Variants in MTUS1 observed in about 807,000 individuals in gnomAD.
MTUS1 encodes microtubule associated scaffold protein 1.
A neutral mutation model predicts 120.8 loss-of-function variants in MTUS1; 109 were observed. That is an observed-to-expected ratio of 0.90 (90% confidence interval 0.77 to 1.06). MTUS1 has a LOEUF of 1.06. Ranked by LOEUF, MTUS1 falls within the 50% of genes least tolerant of loss-of-function variation. The probability of loss-of-function intolerance (pLI) is 0.00; values close to 1 mark genes in which losing one functional copy is unlikely to be tolerated. For missense variants in MTUS1, 2,210 were observed against 1,486.3 expected (o/e 1.49, Z -8.01); for synonymous variants, 737 against 550.5 (o/e 1.34, Z -4.74).
intron 1 of MTUS1, among the ~76,000 whole-genome samples, chr8:17,791,396 A>G (rs1340952189): frequency 1.3e-5 from 2 of 152,242 alleles, no homozygotes; most frequent in African/African-American, 2.4e-5. Context: ...TGAAACTCTA[A>G]AATACAAATA....
In MTUS1 at chr8:17,675,224, G is replaced by C. The variant is rs760758399; in HGVS notation, c.2867C>G (p.Thr956Ser). The change falls in exon 8 of 15, where the codon ACC becomes AGC. Residue 956 changes from threonine (T) to serine (S), a missense_variant. Transcript: ENST00000693296. ...EREEALKQHKTLSQELVNLRG... is the reference protein window; with the variant it reads ...EREEALKQHKSLSQELVNLRG... Reference sequence around the variant, plus strand: ...GAGGTTAACAAGTTCTTGAGATAGGGTTTTGTGTTGTTTCAGTGCTTCCTC... The same window carrying C: ...GAGGTTAACAAGTTCTTGAGATAGGCTTTTGTGTTGTTTCAGTGCTTCCTC... 31 of 1,614,010 alleles carry C rather than the reference G, an allele frequency of 1.9e-5. No individual in the cohort carries two copies. The Middle Eastern group carries it at 4.9e-4, about 26-fold the overall frequency.
intron 3 of MTUS1, among the ~76,000 whole-genome samples, chr8:17,734,864 G>A (rs894740757): frequency 1.3e-5 from 2 of 152,044 alleles, no homozygotes; most frequent in African/African-American, 4.8e-5. Flanking sequence ...GAGCTCCACT[G>A]AGCAATGAGG....
intron 12 of MTUS1, among the ~76,000 whole-genome samples, chr8:17,652,939 A>C (rs1240834652): frequency 6.6e-6 from 1 of 152,024 alleles, no homozygotes; most frequent in Non-Finnish European, 1.5e-5. Flanking sequence ...CCTAATTGGT[A>C]GTTTCCTTCT....
chr8:17,742,234 T>TA (rs1281156336), intron 3 of MTUS1, among the ~76,000 whole-genome samples: 1 of 148,658 alleles, frequency 6.7e-6, no homozygotes. Flanking sequence ...GAGGAGCCCC[T>TA]ACAAGGGCAC....
At chr8:17,701,846 G>A (rs1157836228) in intron 6 of MTUS1, among the ~76,000 whole-genome samples, 3 of 152,054 alleles carry the variant, frequency 2.0e-5, no homozygotes, top group Admixed American at 6.5e-5. Context: ...ACCGCACCCG[G>A]CCAGAATTTT....
chr8:17,749,963 GAAC>G (rs1199582644), intron 2 of MTUS1, among the ~76,000 whole-genome samples: 3 of 151,952 alleles, frequency 2.0e-5, no homozygotes, highest in South Asian at 2.1e-4. Context: ...TTGACACAAA[GAAC>G]AACTGAGCTC....
At chr8:17,658,022 T>TACACACACACAC (rs776352415) in intron 8 of MTUS1, among the ~76,000 whole-genome samples, 15 of 36,422 alleles carry the variant, frequency 4.1e-4, no homozygotes, top group Admixed American at 6.8e-4. Flanking sequence ...ACTATATATA[T>TACACACACACAC]AGACACACAC....
chr8:17,764,275 G>A (rs1213422536), intron 1 of MTUS1, among the ~76,000 whole-genome samples: 2 of 152,056 alleles, frequency 1.3e-5, no homozygotes, highest in Non-Finnish European at 2.9e-5. Context: ...GAGAATCAGG[G>A]TAGCTGGTGA....
At chr8:17,735,085 T>C (rs1322477749) in intron 3 of MTUS1, among the ~76,000 whole-genome samples, 1 of 152,088 alleles carries the variant, frequency 6.6e-6, no homozygotes, top group East Asian at 1.9e-4. Flanking sequence ...GGCCTGTCTC[T>C]TATATCTTTA....
chr8:17,729,754 T>G (rs940931216), intron 3 of MTUS1, among the ~76,000 whole-genome samples: 1 of 150,774 alleles, frequency 6.6e-6, no homozygotes, highest in Non-Finnish European at 1.5e-5. Context: ...TAATTAAGAA[T>G]AGCCAAAAAA....
intron 1 of MTUS1, among the ~76,000 whole-genome samples, chr8:17,756,449 AAGCCC>A (rs2048615456): frequency 6.6e-6 from 1 of 152,074 alleles, no homozygotes; most frequent in South Asian, 2.1e-4. Flanking sequence ...CAGGCCATGA[AAGCCC>A]AGCAAATCAG....
At chr8:17,658,461 T>A (rs564462267) in intron 8 of MTUS1, among the ~76,000 whole-genome samples, 1 of 152,160 alleles carries the variant, frequency 6.6e-6, no homozygotes, top group African/African-American at 2.4e-5. Context: ...CTAGAAAATC[T>A]TGAATTCCTT....
Position 17,646,641 on chromosome 8 carries a change from G to A in MTUS1, c.3599+341C>T, listed in dbSNP as rs1444689093. Among the ~76,000 whole-genome samples, 5 of 152,158 alleles carry A rather than the reference G, an allele frequency of 3.3e-5. No homozygotes were observed. In the East Asian group the frequency reaches 7.7e-4, roughly 23 times the overall value. ...TTTGGGCAATTTCATAGTAGGCTGA[G>A]AGCCACTTTTGCAAATATTCGACAT... On this transcript the variant is annotated intron_variant, in intron 14 of 14. Coordinates refer to ENST00000693296, the MANE Select transcript of MTUS1 (RefSeq NM_001363059.2).
At chr8:17,719,364 T>C (rs2979772) in intron 4 of MTUS1, among the ~76,000 whole-genome samples, 99,937 of 152,180 alleles carry the variant, frequency 0.66, 33,676 homozygotes, top group Middle Eastern at 0.82. Flanking sequence ...ATCTGCCCAC[T>C]TGGCTTAAAA....
intron 2 of MTUS1, among the ~76,000 whole-genome samples, chr8:17,746,541 C>G (rs2047764024): frequency 6.6e-6 from 1 of 152,056 alleles, no homozygotes; most frequent in African/African-American, 2.4e-5. Flanking sequence ...AAAGCAGTTT[C>G]CCCTTATAAA....
In MTUS1 at chr8:17,721,823, G is replaced by A. The variant is rs186419765; in HGVS notation, c.2449+1849C>T. 340 of 1,614,106 alleles carry A rather than the reference G, an allele frequency of 2.1e-4. 1 individual carries two copies. In the African/African-American group the frequency reaches 4.1e-3, roughly 20 times the overall value. On this transcript the variant is annotated intron_variant, in intron 4 of 14. Transcript: ENST00000693296. ...TAGTGCCTCTCTGAACCAGCCGGTGGGGTGAGTGTAGAATTGATAAAGATT... is the reference window on the plus strand; with the variant it reads ...TAGTGCCTCTCTGAACCAGCCGGTGAGGTGAGTGTAGAATTGATAAAGATT...
chr8:17,760,019 G>C (rs558848199), intron 1 of MTUS1, among the ~76,000 whole-genome samples: 7 of 151,342 alleles, frequency 4.6e-5, no homozygotes, highest in African/African-American at 1.7e-4. Flanking sequence ...GACTAGCCTG[G>C]GCAACATAGC....
Position 17,675,542 on chromosome 8 carries a change from T to C in MTUS1, c.2839-290A>G, listed in dbSNP as rs149680193. Among the ~76,000 whole-genome samples the C allele has an allele frequency of 1.8e-3, 277 of 152,352 alleles. 1 individual carries two copies. Among genetic ancestry groups the C allele is most frequent in the African/African-American group, 6.4e-3 (265 of 41,582 alleles). On this transcript the variant is annotated intron_variant, in intron 7 of 14. Transcript: ENST00000693296. Reference sequence around the variant, plus strand: ...GAGCCAGTGCTTCACTGCTGATCCATAGAACCTTTCGGCTAATGCATACTG... The same window carrying C: ...GAGCCAGTGCTTCACTGCTGATCCACAGAACCTTTCGGCTAATGCATACTG...
intron 1 of MTUS1, among the ~76,000 whole-genome samples, chr8:17,781,182 G>C: frequency 6.6e-6 from 1 of 152,164 alleles, no homozygotes; most frequent in East Asian, 1.9e-4. Context: ...GAACAAAGGA[G>C]TCTCTAAAAG....
Sources: allele counts gnomAD v4.1 joint callset (sites outside exome capture counted in the v4.1 genomes callset), GRCh38; gene constraint gnomAD v4.1.1; transcripts MANE v1.5; gene names NCBI Gene and HGNC (gene_info 2026-07-23, HGNC 2026-07-21).